TAF4B: variants seen among roughly 807,000 people sequenced by gnomAD.
TAF4B encodes transcription initiation factor TFIID subunit 4B.
TAF4B carries 38 observed loss-of-function variants against 86.4 expected under a neutral mutation model. That is an observed-to-expected ratio of 0.44 (90% CI 0.34 to 0.58). The LOEUF (loss-of-function observed/expected upper bound fraction) is 0.58. TAF4B is among the 20% of genes least tolerant of loss of function. The pLI is 0.02. For synonymous variants in TAF4B, 388 were observed against 391.2 expected, an observed-to-expected ratio of 0.99 and a Z score of 0.10; for missense variants, 988 against 1,027.6, an observed-to-expected ratio of 0.96 and a Z score of 0.53.
chr18:26,334,771 A>G (rs572073540), intron 12 of TAF4B, among the ~76,000 whole-genome samples: 4 of 152,168 alleles, frequency 2.6e-5, no homozygotes, highest in Non-Finnish European at 5.9e-5. Flanking sequence ...CGAAATACCT[A>G]TGTTTTCCCA....
In TAF4B at chr18:26,390,156, C is replaced by G; in HGVS notation, c.*144C>G. On this transcript the variant is annotated 3_prime_UTR_variant, in exon 15 of 15. Transcript: ENST00000269142. ...TTTACAGTTAGAAACTTTATTAACT[C>G]TTACCTATCCATCTCATGGGACTCT... The G allele has an allele frequency of 1.3e-6, 1 of 770,436 alleles. No individual in the cohort carries two copies. 47.7% of individuals were successfully genotyped at this position (770,436 alleles called of 1,614,324 possible).
chr18:26,322,990 C>T (rs911604443), intron 11 of TAF4B, among the ~76,000 whole-genome samples: 1 of 151,736 alleles, frequency 6.6e-6, no homozygotes, highest in South Asian at 2.1e-4. Flanking sequence ...TTATTTGATT[C>T]TTTGTGACTG....
intron 1 of TAF4B, among the ~76,000 whole-genome samples, chr18:26,229,111 G>C (rs75452116): frequency 0.012 from 1,855 of 152,262 alleles, 23 homozygotes; most frequent in Non-Finnish European, 0.019. Context: ...GAGAACTTTA[G>C]ATTCCAGTCT....
chr18:26,267,377 C>T, intron 2 of TAF4B, 139 bp from the exon 3 acceptor site: 1 of 607,394 alleles, frequency 1.6e-6, no homozygotes. Context: ...ATAGAATGTG[C>T]ATAAAACACA....
At chr18:26,280,688 T>C (rs140490339) in intron 5 of TAF4B, among the ~76,000 whole-genome samples, 11 of 152,222 alleles carry the variant, frequency 7.2e-5, no homozygotes, top group African/African-American at 1.4e-4. Flanking sequence ...CGAACACTTA[T>C]ACGCTGTTGG....
intron 5 of TAF4B, among the ~76,000 whole-genome samples, chr18:26,280,305 A>G (rs1031608052): frequency 3.9e-5 from 6 of 152,174 alleles, no homozygotes; most frequent in African/African-American, 1.4e-4. Flanking sequence ...AAAAACAAAA[A>G]TTGACAAGTG....
chr18:26,274,974 T>C lies in TAF4B; in HGVS notation c.803T>C (p.Met268Thr). The change falls in exon 5 of 15, where the codon ATG becomes ACG. Residue 268 changes from methionine to threonine, a missense_variant. Met to Thr is a moderately conservative substitution (Grantham distance 81, BLOSUM62 -1). Around this residue, in one of 3 missense-constraint regions of TAF4B, gnomAD observed 747 missense variants for 737.9 expected, o/e 1.01. Transcript: ENST00000269142. ...NVKKCKNFLA[M>T]LIKLACSGSQ... The stretch of plus-strand genomic sequence containing the variant: ...AAGAAATGCAAGAACTTCCTTGCAA[T>C]GTTAATAAAACTAGCATGTAGTGGA... 6.2e-7 allele frequency: 1 copy of C among 1,613,292 alleles called. No homozygotes were observed. The highest frequency in any genetic ancestry group is 8.5e-7 in the Non-Finnish European group (1 of 1,179,798).
At chr18:26,230,577 G>A (rs370504671) in intron 1 of TAF4B, among the ~76,000 whole-genome samples, 6 of 152,250 alleles carry the variant, frequency 3.9e-5, no homozygotes, top group Admixed American at 1.3e-4. Context: ...TTACTCTGTC[G>A]GTAGTCAGCC....
In TAF4B at chr18:26,227,197, G is replaced by T. The variant is rs1304473382; in HGVS notation, c.264G>T (p.Leu88=). Residue 88 remains leucine (L), a synonymous_variant, in exon 1 of 15, where the codon CTG becomes CTT. Transcript: ENST00000269142. ...CTAAAGTCAGCAGCGGCCCTAGGCT[G>T]CCTGCTCCTCAGATAGTCGCCGTGA... ...APPKVSSGPR[L]PAPQIVAVKA... 1.9e-6 allele frequency: 3 copies of T among 1,614,006 alleles called. No homozygotes were observed. The highest frequency in any genetic ancestry group is 3.3e-4 in the Middle Eastern group (2 of 6,062).
intron 13 of TAF4B, among the ~76,000 whole-genome samples, chr18:26,353,676 T>A (rs1170796376): frequency 1.3e-5 from 2 of 152,214 alleles, no homozygotes; most frequent in African/African-American, 4.8e-5. Flanking sequence ...TTTCTTCCAA[T>A]GATTAGGAAA....
At chr18:26,327,742 T>G (rs373410611) in intron 12 of TAF4B, among the ~76,000 whole-genome samples, 10 of 152,162 alleles carry the variant, frequency 6.6e-5, no homozygotes, top group South Asian at 2.1e-4. Context: ...GCTAATTTTT[T>G]TTGTTGTTGT....
intron 7 of TAF4B, among the ~76,000 whole-genome samples, chr18:26,291,352 C>T (rs1484712307): frequency 6.6e-6 from 1 of 151,982 alleles, no homozygotes; most frequent in African/African-American, 2.4e-5. Context: ...CCTCCGCCTC[C>T]TGCTTTCAAG....
intron 13 of TAF4B, among the ~76,000 whole-genome samples, chr18:26,350,297 A>G (rs1376735447): frequency 2.0e-5 from 3 of 152,372 alleles, no homozygotes; most frequent in East Asian, 1.9e-4. Flanking sequence ...AAATATTTGC[A>G]AACTATTCAT....
At chr18:26,378,551 A>AT (rs1473164299) in intron 14 of TAF4B, among the ~76,000 whole-genome samples, 1 of 152,160 alleles carries the variant, frequency 6.6e-6, no homozygotes, top group East Asian at 1.9e-4. Flanking sequence ...TGAAATCTCA[A>AT]TTTTAAGTTA....
intron 1 of TAF4B, among the ~76,000 whole-genome samples, chr18:26,232,502 A>G (rs1038108318): frequency 6.6e-6 from 1 of 152,230 alleles, no homozygotes; most frequent in East Asian, 1.9e-4. Context: ...TTAAAAACAC[A>G]GGGCCTGAAG....
At position 26,390,259 on chromosome 18, in the gene TAF4B, C is replaced by G. The variant is rs1368940590; in HGVS notation, c.*247C>G. ...TGCACAGAATTAGGCATCTGCCTAT[C>G]TGTGCATTAAATTAAAGCAAGTTAA... On this transcript the variant is annotated 3_prime_UTR_variant, in exon 15 of 15. Transcript: ENST00000269142. 2.6e-6 allele frequency: 1 copy of G among 381,724 alleles called. No homozygotes were observed. Among genetic ancestry groups the G allele is most frequent in the Non-Finnish European group, 4.6e-6 (1 of 217,860 alleles). 23.6% of individuals were successfully genotyped at this position (381,724 alleles called of 1,614,324 possible).
At chr18:26,356,994 A>G (rs2057293518) in intron 13 of TAF4B, among the ~76,000 whole-genome samples, 1 of 152,094 alleles carries the variant, frequency 6.6e-6, no homozygotes, top group Admixed American at 6.6e-5. Context: ...GTACTAAATC[A>G]CTTTAGAATT....
In TAF4B at chr18:26,267,582, A is replaced by C. The variant is rs2144546308; in HGVS notation, c.556A>C (p.Thr186Pro). The C allele has an allele frequency of 1.9e-6, 3 of 1,614,148 alleles. No individual in the cohort carries two copies. The highest frequency in any genetic ancestry group is 2.2e-5 in the East Asian group (1 of 44,874). Residue 186 changes from threonine (T) to proline (P), a missense_variant, in exon 3 of 15, where the codon ACT becomes CCT. Physicochemically the swap from Thr to Pro is conservative, Grantham distance 38 (BLOSUM62 -1). Coordinates refer to ENST00000269142, the MANE Select transcript of TAF4B (RefSeq NM_005640.3). The part of the protein sequence containing the change: ...TPVKKLAQIG[T>P]TVVTTVPKPS... ...TGTTAAAAAATTGGCACAAATAGGA[A>C]CTACTGTGGTAACCACTGTTCCGAA...
At chr18:26,326,173 C>G (rs1158877818) in intron 11 of TAF4B, among the ~76,000 whole-genome samples, 2 of 152,136 alleles carry the variant, frequency 1.3e-5, no homozygotes, top group Non-Finnish European at 2.9e-5. Context: ...CCCATTGCCT[C>G]CTCCAACCCT....
Sources: gnomAD v4.1 joint callset for allele counts (sites outside exome capture counted in the v4.1 genomes callset) on GRCh38, gnomAD v4.1.1 for gene constraint, gnomAD v4.1.1 regional missense constraint, MANE v1.5 for transcripts, NCBI Gene and HGNC (gene_info 2026-07-23, HGNC 2026-07-21) for gene names.